Variants in MGAT3 observed in about 807,000 individuals in gnomAD.
MGAT3 encodes beta-1,4-mannosyl-glycoprotein 4-beta-N-acetylglucosaminyltransferase.
MGAT3 carries 9 observed loss-of-function variants against 29.8 expected under a neutral mutation model. That is an observed-to-expected ratio of 0.30 (90% CI 0.18 to 0.53). MGAT3 has a LOEUF of 0.53. Ranked by LOEUF, MGAT3 falls within the 20% of genes least tolerant of loss-of-function variation. MGAT3 has a pLI of 0.96. For missense variants in MGAT3, 557 were observed against 769.5 expected (o/e 0.72, Z 3.27); for synonymous variants, 397 against 348.9 (o/e 1.14, Z -1.54).
chr22:39,458,657 A>T (rs1468448121), intron 1 of MGAT3, among the ~76,000 whole-genome samples: 1 of 152,192 alleles, frequency 6.6e-6, no homozygotes, highest in African/African-American at 2.4e-5. Context: ...GTCCCAGCCC[A>T]GGAGGAAGAG....
intron 1 of MGAT3, among the ~76,000 whole-genome samples, chr22:39,474,670 GAGAGA>G (rs1928901200): frequency 6.6e-6 from 1 of 152,166 alleles, no homozygotes; most frequent in Non-Finnish European, 1.5e-5. Context: ...TCCTCTCCCT[GAGAGA>G]TAAAGAGCCC....
At position 39,487,644 on chromosome 22, in the gene MGAT3, G is replaced by T. The variant is rs748409695; in HGVS notation, c.297G>T (p.Val99=). Residue 99 remains valine, a synonymous_variant, in exon 2 of 2, where the codon GTG becomes GTT. Transcript: ENST00000341184. The surrounding 1 kb of genome is among the most constrained non-coding windows in gnomAD (Gnocchi z 5.7). ...AAEELHRVDL[V]LPEDTTEYFV... ...AGGAGCTCCACCGGGTGGACTTGGT[G>T]CTGCCCGAGGACACCACCGAGTATT... is the stretch of plus-strand genomic sequence containing the variant. The T allele has an allele frequency of 2.3e-5, 37 of 1,610,850 alleles. No homozygotes were observed. Among genetic ancestry groups the T allele is most frequent in the Middle Eastern group, 3.3e-4 (2 of 6,066 alleles).
chr22:39,481,776 T>C (rs1315858140), intron 1 of MGAT3, among the ~76,000 whole-genome samples: 1 of 152,176 alleles, frequency 6.6e-6, no homozygotes, highest in Admixed American at 6.5e-5. Context: ...GATCCTTCTA[T>C]TGTGCAATGC....
intron 1 of MGAT3, among the ~76,000 whole-genome samples, chr22:39,464,311 C>T (rs1247061114): frequency 6.6e-6 from 1 of 152,194 alleles, no homozygotes; most frequent in Non-Finnish European, 1.5e-5. Flanking sequence ...GTGATGGTGG[C>T]TGCCACAGGA....
rs760192576 is a variant in MGAT3 at position 39,488,830 on chromosome 22, C to T, written c.1483C>T (p.His495Tyr). 1 of 1,609,338 alleles carries T rather than the reference C, an allele frequency of 6.2e-7. No homozygotes were observed. ...CCTGCTGAAGAACTACGACCGGTTCCACTACCTGCTGGACAACCCCTACCA... is the reference window on the plus strand; with the variant it reads ...CCTGCTGAAGAACTACGACCGGTTCTACTACCTGCTGGACAACCCCTACCA... ...KYLLKNYDRF[H>Y]YLLDNPYQEP... Residue 495 changes from histidine to tyrosine, a missense_variant, in exon 2 of 2, where the codon CAC (histidine) becomes TAC (tyrosine). Physicochemically the swap from His to Tyr is moderately conservative, Grantham distance 83 (BLOSUM62 2). Around this residue, in one of 3 missense-constraint regions of MGAT3, gnomAD observed 102 missense variants for 97.0 expected, o/e 1.05. Coordinates refer to ENST00000341184, the MANE Select transcript of MGAT3 (RefSeq NM_002409.5).
chr22:39,460,031 G>A (rs1015480982), intron 1 of MGAT3, among the ~76,000 whole-genome samples: 1 of 152,240 alleles, frequency 6.6e-6, no homozygotes, highest in Non-Finnish European at 1.5e-5. Flanking sequence ...TACATAAGCA[G>A]TGAGGAGTGG....
intron 1 of MGAT3, among the ~76,000 whole-genome samples, chr22:39,469,960 C>A (rs1248784936): frequency 6.6e-6 from 1 of 152,258 alleles, no homozygotes. Flanking sequence ...CCTGCACCCC[C>A]AAACCGGAGG....
chr22:39,483,192 T>A (rs1005454670), intron 1 of MGAT3, among the ~76,000 whole-genome samples: 2 of 152,254 alleles, frequency 1.3e-5, no homozygotes, highest in Admixed American at 1.3e-4. Context: ...AGGTCCCAAG[T>A]ACAGAAAAAT....
chr22:39,459,182 T>C (rs899032319), intron 1 of MGAT3, among the ~76,000 whole-genome samples: 1 of 151,972 alleles, frequency 6.6e-6, no homozygotes, highest in African/African-American at 2.4e-5. Flanking sequence ...CAAGCAATTG[T>C]CCCACCTCGG....
At chr22:39,472,487 C>G (rs1928838899) in intron 1 of MGAT3, among the ~76,000 whole-genome samples, 1 of 152,182 alleles carries the variant, frequency 6.6e-6, no homozygotes, top group African/African-American at 2.4e-5. Flanking sequence ...AGAGAGGGAG[C>G]AAGGCGAGGC....
rs1929297694 is a variant in MGAT3 at position 39,487,176 on chromosome 22, C to T, written c.-1-171C>T. ...TCCTCAGTGCTGGGGCTTTCAGGGG[C>T]CTTGGTACCGCGAGTTGACTCTTGG... On this transcript the variant is annotated intron_variant, in intron 1 of 1. Transcript: ENST00000341184. This position sits in a 1 kb window ranked among gnomAD's most constrained non-coding sequence, Gnocchi z 5.7. 4.7e-6 allele frequency: 1 copy of T among 213,530 alleles called. No individual in the cohort carries two copies. The highest frequency in any genetic ancestry group is 2.4e-5 in the African/African-American group (1 of 42,374). The allele number at this position is 213,530 out of a possible 1,614,324, so 13.2% of individuals were successfully genotyped here.
intron 1 of MGAT3, among the ~76,000 whole-genome samples, chr22:39,481,435 T>C (rs2145723736): frequency 1.3e-5 from 2 of 152,340 alleles, no homozygotes; most frequent in Admixed American, 1.3e-4. Context: ...CCCTACCCTG[T>C]TGGGTGCTGA....
In MGAT3 at chr22:39,457,023, C is replaced by T. The variant is rs147486850; in HGVS notation, c.-536C>T. ...GCGCGCACACTCGCACTCACACACA[C>T]TCGCTCGCACACGCACACACTCGAT... On this transcript the variant is annotated 5_prime_UTR_variant, in exon 1 of 2. Transcript: ENST00000341184. The surrounding 1 kb of genome is among the most constrained non-coding windows in gnomAD (Gnocchi z 6.8). Among the ~76,000 whole-genome samples, 259 of 151,612 alleles carry T rather than the reference C, an allele frequency of 1.7e-3. 1 individual carries two copies. Among genetic ancestry groups the T allele is most frequent in the Non-Finnish European group, 2.9e-3 (198 of 67,810 alleles).
chr22:39,460,234 A>G (rs952137164), intron 1 of MGAT3, among the ~76,000 whole-genome samples: 1 of 152,198 alleles, frequency 6.6e-6, no homozygotes, highest in Non-Finnish European at 1.5e-5. Flanking sequence ...CTTGGAACAC[A>G]GTGTCCTCAG....
chr22:39,466,007 T>C (rs1243072776), intron 1 of MGAT3, among the ~76,000 whole-genome samples: 1 of 149,038 alleles, frequency 6.7e-6, no homozygotes, highest in African/African-American at 2.5e-5. Flanking sequence ...CAGAAACCCA[T>C]GTTGATGTTG....
intron 1 of MGAT3, among the ~76,000 whole-genome samples, chr22:39,478,002 C>G (rs1219123707): frequency 6.6e-6 from 1 of 152,218 alleles, no homozygotes; most frequent in Non-Finnish European, 1.5e-5. Context: ...GGCCACTGGC[C>G]TACCTTGTGC....
At chr22:39,467,422 G>C (rs1928679722) in intron 1 of MGAT3, among the ~76,000 whole-genome samples, 1 of 152,192 alleles carries the variant, frequency 6.6e-6, no homozygotes, top group East Asian at 1.9e-4. Flanking sequence ...AGGAAAGCTG[G>C]ACTGGGCCTT....
In MGAT3 at chr22:39,491,357, C is replaced by G. The variant is rs1929447600; in HGVS notation, c.*2408C>G. 1 of 167,424 alleles carries G rather than the reference C, an allele frequency of 6.0e-6. No individual in the cohort carries two copies. The highest frequency in any genetic ancestry group is 1.5e-5 in the Non-Finnish European group (1 of 68,320). The allele number at this position is 167,424 out of a possible 1,614,324, so 10.4% of individuals were successfully genotyped here. ...GAGAGGTGGCTCAAACACTCGGGGT[C>G]CCTATGGCTCTGGGTCAATCTAGGC... On this transcript the variant is annotated 3_prime_UTR_variant, in exon 2 of 2. Coordinates refer to ENST00000341184, the MANE Select transcript of MGAT3 (RefSeq NM_002409.5). The surrounding 1 kb of genome is among the most constrained non-coding windows in gnomAD (Gnocchi z 5.5).
At position 39,488,943 on chromosome 22, in the gene MGAT3, A is replaced by C. The variant is rs1220763626; in HGVS notation, c.1596A>C (p.Glu532Asp). 12 of 1,604,252 alleles carry C rather than the reference A, an allele frequency of 7.5e-6. No homozygotes were observed. The highest frequency in any genetic ancestry group is 1.0e-5 in the Non-Finnish European group (12 of 1,176,162). ...CCCGGGGCAAACTGGACGAGGCGGA[A>C]GTCTAGAGCTGCATGATCTGATAGG... ...PPARGKLDEA[E>D]V The change falls in exon 2 of 2, where the codon GAA becomes GAC. Residue 532 changes from glutamate to aspartate, a missense_variant. By Grantham distance (45) the Glu-to-Asp change is conservative. This residue lies in a region of MGAT3 where 102 missense variants were observed against 97.0 expected (regional missense o/e 1.05). Coordinates refer to ENST00000341184, the MANE Select transcript of MGAT3 (RefSeq NM_002409.5).
Sources: allele counts gnomAD v4.1 joint callset (sites outside exome capture counted in the v4.1 genomes callset), GRCh38; gene constraint gnomAD v4.1.1; regional missense constraint gnomAD v4.1.1; non-coding constraint Gnocchi (gnomAD v3.1); transcripts MANE v1.5; gene names NCBI Gene and HGNC (gene_info 2026-07-23, HGNC 2026-07-21).